The following CAMTA1 variants were observed in gnomAD, a reference collection of about 807,000 sequenced individuals.
The protein encoded by CAMTA1 is calmodulin-binding transcription activator 1.
A neutral mutation model predicts 170.9 loss-of-function variants in CAMTA1; 27 were observed. That is an observed-to-expected ratio of 0.16 (90% CI 0.12 to 0.22). The LOEUF (loss-of-function observed/expected upper bound fraction) is 0.22, where lower values mean the gene tolerates loss of function less well. Ranked by LOEUF, CAMTA1 falls within the 10% of genes least tolerant of loss-of-function variation. The pLI is 1.00. For missense variants in CAMTA1, 1,619 were observed against 2,217.2 expected (o/e 0.73, Z 5.42); for synonymous variants, 833 against 891.5 (o/e 0.93, Z 1.17).
At chr1:7,711,314 T>C (rs1033917385) in intron 11 of CAMTA1, among the ~76,000 whole-genome samples, 1 of 152,162 alleles carries the variant, frequency 6.6e-6, no homozygotes, top group African/African-American at 2.4e-5. Flanking sequence ...TACCATCACG[T>C]TGGGAGTTGG....
Position 7,666,872 on chromosome 1 carries a change from GTTGTT to G in CAMTA1, c.2652+1701_2652+1705del, listed in dbSNP as rs199791433. On this transcript the variant is annotated intron_variant, in intron 9 of 22. Coordinates refer to ENST00000303635, the MANE Select transcript of CAMTA1 (RefSeq NM_015215.4). Reference sequence around the variant, plus strand: ...CCGTGTTTCTGACCCCCCTGCTGTTGTTGTTTTGTTTTGTTTTGTTTTGTTTTGTT... The same window carrying G: ...CCGTGTTTCTGACCCCCCTGCTGTTGTTGTTTTGTTTTGTTTTGTTTTGTT... 2.7e-3 allele frequency among the ~76,000 whole-genome samples: 410 copies of G among 151,724 alleles called. 3 individuals carry two copies. Among genetic ancestry groups the G allele is most frequent in the African/African-American group, 8.6e-3 (354 of 41,344 alleles).
chr1:7,253,054 C>T (rs1354783497), intron 5 of CAMTA1, among the ~76,000 whole-genome samples: 2 of 152,020 alleles, frequency 1.3e-5, no homozygotes, highest in Non-Finnish European at 2.9e-5. Context: ...GAAGCTAGCT[C>T]GATAAGGTTT....
intron 4 of CAMTA1, among the ~76,000 whole-genome samples, chr1:7,246,362 G>T (rs1052140372): frequency 1.3e-5 from 2 of 152,144 alleles, no homozygotes; most frequent in Non-Finnish European, 1.5e-5. Flanking sequence ...ATACAGACAC[G>T]CAAGTGGCGT....
intron 4 of CAMTA1, among the ~76,000 whole-genome samples, chr1:7,235,213 G>C (rs1260869957): frequency 6.6e-6 from 1 of 152,154 alleles, no homozygotes; most frequent in Non-Finnish European, 1.5e-5. Flanking sequence ...GACCCGCCAG[G>C]TTCTCCTCTT....
intron 3 of CAMTA1, among the ~76,000 whole-genome samples, chr1:6,882,204 G>A: frequency 6.6e-6 from 1 of 152,264 alleles, no homozygotes; most frequent in East Asian, 1.9e-4. Flanking sequence ...CAGTTCTATT[G>A]AAACAGAGCC....
chr1:7,672,505 T>C (rs1029822074), intron 10 of CAMTA1, among the ~76,000 whole-genome samples: 8 of 152,158 alleles, frequency 5.3e-5, no homozygotes, highest in African/African-American at 1.9e-4. Context: ...CACTGCAACC[T>C]CTGTTTCCTG....
intron 6 of CAMTA1, among the ~76,000 whole-genome samples, chr1:7,595,107 AG>A (rs2095389239): frequency 1.3e-5 from 2 of 152,228 alleles, no homozygotes. Flanking sequence ...CCATAAACTA[AG>A]AAGAGGGGTC....
intron 3 of CAMTA1, among the ~76,000 whole-genome samples, chr1:6,907,885 G>A (rs1345531455): frequency 1.3e-5 from 2 of 152,158 alleles, no homozygotes; most frequent in Non-Finnish European, 2.9e-5. Flanking sequence ...CCGCCCCACT[G>A]TCATTCCTGC....
chr1:7,587,881 G>A (rs2095324274), intron 6 of CAMTA1, among the ~76,000 whole-genome samples: 1 of 152,082 alleles, frequency 6.6e-6, no homozygotes, highest in Admixed American at 6.5e-5. Context: ...CAGGCTCAGA[G>A]ATGAAATGGC....
intron 4 of CAMTA1, among the ~76,000 whole-genome samples, chr1:7,174,761 G>A (rs1326558054): frequency 6.6e-6 from 1 of 152,238 alleles, no homozygotes; most frequent in Non-Finnish European, 1.5e-5. Context: ...AGGAGTTAGA[G>A]CTGCTTCTAG....
intron 3 of CAMTA1, among the ~76,000 whole-genome samples, chr1:6,864,689 A>G (rs1380289468): frequency 6.6e-6 from 1 of 151,786 alleles, no homozygotes; most frequent in Admixed American, 6.6e-5. Context: ...TTCCCTTGGG[A>G]CCCCAGCTTA....
intron 6 of CAMTA1, among the ~76,000 whole-genome samples, chr1:7,583,267 G>A (rs1329601053): frequency 6.6e-6 from 1 of 152,072 alleles, no homozygotes; most frequent in African/African-American, 2.4e-5. Context: ...GCCCAGGTGT[G>A]TGGAAGGGGT....
At position 7,514,596 on chromosome 1, in the gene CAMTA1, A is replaced by G. The variant is rs188819284; in HGVS notation, c.510+46695A>G. ...AAGAGAGATCCTTTTGCATAGAAAC[A>G]ACTCATTTGGGAAATGCAAGCAGGG... On this transcript the variant is annotated intron_variant, in intron 6 of 22. Transcript: ENST00000303635. 2.6e-5 allele frequency among the ~76,000 whole-genome samples: 4 copies of G among 152,332 alleles called. No individual in the cohort carries two copies. The East Asian group carries it at 5.8e-4, about 22-fold the overall frequency.
At chr1:7,391,029 C>T (rs1346032102) in intron 5 of CAMTA1, among the ~76,000 whole-genome samples, 4 of 151,714 alleles carry the variant, frequency 2.6e-5, no homozygotes, top group Admixed American at 2.0e-4. Flanking sequence ...TGGAGTTTTG[C>T]TCTTGTTGCC....
At chr1:7,576,892 C>A (rs2095201440) in intron 6 of CAMTA1, among the ~76,000 whole-genome samples, 1 of 152,168 alleles carries the variant, frequency 6.6e-6, no homozygotes, top group African/African-American at 2.4e-5. Context: ...GATTGGCCAT[C>A]ACAGATACAG....
At chr1:7,684,229 GGAC>G (rs1207234052) in intron 11 of CAMTA1, among the ~76,000 whole-genome samples, 1 of 152,224 alleles carries the variant, frequency 6.6e-6, no homozygotes, top group Non-Finnish European at 1.5e-5. Context: ...ACTCTGTGGA[GGAC>G]GCCCCAGGAC....
At position 7,195,406 on chromosome 1, in the gene CAMTA1, G is replaced by A. The variant is rs1401759758; in HGVS notation, c.303-54085G>A. Among the ~76,000 whole-genome samples the A allele has an allele frequency of 6.6e-6, 1 of 152,172 alleles. No individual in the cohort carries two copies. Among genetic ancestry groups the A allele is most frequent in the Non-Finnish European group, 1.5e-5 (1 of 68,028 alleles). ...TATTTGGAAGCACATTCAGTGCTGAGCTTCCCTGGGCTTGGTGGCCGAGTG... is the reference window on the plus strand; with the variant it reads ...TATTTGGAAGCACATTCAGTGCTGAACTTCCCTGGGCTTGGTGGCCGAGTG... On this transcript the variant is annotated intron_variant, in intron 4 of 22. Coordinates refer to ENST00000303635, the MANE Select transcript of CAMTA1 (RefSeq NM_015215.4). This position sits in a 1 kb window ranked among gnomAD's most constrained non-coding sequence, Gnocchi z 4.1.
intron 5 of CAMTA1, among the ~76,000 whole-genome samples, chr1:7,255,222 C>T (rs769594627): frequency 4.6e-5 from 7 of 151,786 alleles, no homozygotes; most frequent in South Asian, 2.1e-4. Context: ...ACCACTGTGG[C>T]GCGTGTATAC....
At chr1:7,694,417 C>G (rs1363931690) in intron 11 of CAMTA1, 1 of 152,216 alleles carries the variant, frequency 6.6e-6, no homozygotes, top group African/African-American at 2.4e-5. Flanking sequence ...AATTACAGAT[C>G]AGTCCACCTA....
Sources: gnomAD v4.1 joint callset for allele counts (sites outside exome capture counted in the v4.1 genomes callset) on GRCh38, gnomAD v4.1.1 for gene constraint, Gnocchi (gnomAD v3.1) non-coding constraint, MANE v1.5 for transcripts, NCBI Gene and HGNC (gene_info 2026-07-23, HGNC 2026-07-21) for gene names.